ATP8A2: variants seen among roughly 807,000 people sequenced by gnomAD.
ATP8A2 encodes ATPase phospholipid transporting 8A2.
ATP8A2 carries 100 observed loss-of-function variants against 165.6 expected under a neutral mutation model. The observed-to-expected ratio is 0.60, with a 90% CI of 0.51 to 0.71. ATP8A2 has a LOEUF of 0.71. Among genes scored for constraint, ATP8A2 ranks in the 30% least tolerant of loss-of-function variants. The pLI, the probability that ATP8A2 is intolerant of heterozygous loss-of-function variation, is 0.00. For synonymous variants in ATP8A2, 543 were observed against 548.8 expected, an observed-to-expected ratio of 0.99 and a Z score of 0.15; for missense variants, 1,227 against 1,479.5, an observed-to-expected ratio of 0.83 and a Z score of 2.80.
intron 24 of ATP8A2, among the ~76,000 whole-genome samples, chr13:25,638,233 A>G (rs907684193): frequency 6.6e-6 from 1 of 152,268 alleles, no homozygotes; most frequent in Admixed American, 6.5e-5. Context: ...GCTCCTCGCC[A>G]GCAACGGAAC....
chr13:25,581,885 G>A lies in ATP8A2; in HGVS notation c.2074G>A (p.Ala692Thr), dbSNP rs369685449. 49 of 1,613,912 alleles carry A rather than the reference G, an allele frequency of 3.0e-5. No homozygotes were observed. The East Asian group carries it at 8.0e-4, about 26-fold the overall frequency. Residue 692 changes from alanine to threonine, a missense_variant, in exon 23 of 37, where the codon GCA (alanine) becomes ACA (threonine). Physicochemically the swap from Ala to Thr is moderately conservative, Grantham distance 58. Around this residue, in one of 5 missense-constraint regions of ATP8A2, gnomAD observed 592 missense variants for 785.6 expected, o/e 0.75. Transcript: ENST00000381655. ...RLQAGVPETI[A>T]TLLKAEIKIW... ...TCAAGCAGGAGTTCCAGAAACCATC[G>A]CAACACTGTTGAAGGCAGAAATTAA...
rs764926056 is a variant in ATP8A2 at position 25,769,017 on chromosome 13, A to T, written c.2385-29A>T. ...CTGTTTCCTCTGGAAAGACATGCAT[A>T]GCTCTGATTTCCCTCTCTTTTCTCA... On this transcript the variant is annotated intron_variant, in intron 25 of 36. Transcript: ENST00000381655. 6.9e-6 allele frequency: 11 copies of T among 1,603,790 alleles called. No homozygotes were observed. The East Asian group carries it at 2.2e-4, about 33-fold the overall frequency.
At position 25,786,754 on chromosome 13, in the gene ATP8A2, G is replaced by GATTTT. The variant is rs58430501; in HGVS notation, c.2679+11795_2679+11796insATTTT. Among the ~76,000 whole-genome samples, 7 of 134,642 alleles carry GATTTT rather than the reference G, an allele frequency of 5.2e-5. 1 individual carries two copies. The highest frequency in any genetic ancestry group is 8.3e-5 in the African/African-American group (3 of 36,116). 88.3% of individuals were successfully genotyped at this position (134,642 alleles called of 152,430 possible). ...AACCCTTTTTAATGCACAATTCTATGTTTTTTTTTTTTTTTTTTTGAGACA... is the reference window on the plus strand; with the variant it reads ...AACCCTTTTTAATGCACAATTCTATGATTTTTTTTTTTTTTTTTTTTTTTGAGACA... On this transcript the variant is annotated intron_variant, in intron 27 of 36. Transcript: ENST00000381655.
intron 1 of ATP8A2, among the ~76,000 whole-genome samples, chr13:25,435,465 G>T (rs941653858): frequency 2.0e-5 from 3 of 152,072 alleles, no homozygotes; most frequent in African/African-American, 7.2e-5. Flanking sequence ...GGCTATATTT[G>T]CAGGGAGAGA....
chr13:25,693,259 G>A (rs1189364194), intron 24 of ATP8A2, among the ~76,000 whole-genome samples: 1 of 152,108 alleles, frequency 6.6e-6, no homozygotes, highest in Non-Finnish European at 1.5e-5. Context: ...TGAGAATAAG[G>A]AACTGTTTGT....
intron 35 of ATP8A2, among the ~76,000 whole-genome samples, chr13:26,011,071 C>G (rs1325631503): frequency 6.6e-6 from 1 of 152,152 alleles, no homozygotes; most frequent in African/African-American, 2.4e-5. Flanking sequence ...GGGCAGGGTA[C>G]ATGGGATTCA....
chr13:25,590,947 G>A (rs752893746), intron 24 of ATP8A2, among the ~76,000 whole-genome samples: 4 of 151,998 alleles, frequency 2.6e-5, no homozygotes, highest in African/African-American at 4.8e-5. Context: ...ATTCATCTCG[G>A]TACACCTCCT....
intron 35 of ATP8A2, among the ~76,000 whole-genome samples, chr13:25,977,183 G>A (rs919852460): frequency 6.6e-6 from 1 of 151,698 alleles, no homozygotes; most frequent in African/African-American, 2.4e-5. Context: ...AGTCACCTTC[G>A]TGGAGCCTAG....
At chr13:26,013,861 C>A (rs921135172) in intron 36 of ATP8A2, among the ~76,000 whole-genome samples, 2 of 152,182 alleles carry the variant, frequency 1.3e-5, no homozygotes, top group Non-Finnish European at 1.5e-5. Context: ...TAATCTACCC[C>A]CTGTCCTCAC....
chr13:25,444,311 T>C (rs2035013359), intron 1 of ATP8A2, among the ~76,000 whole-genome samples: 1 of 152,248 alleles, frequency 6.6e-6, no homozygotes, highest in Non-Finnish European at 1.5e-5. Flanking sequence ...GATGGATATG[T>C]AGGTTGCTTC....
intron 10 of ATP8A2, among the ~76,000 whole-genome samples, chr13:25,548,466 G>A (rs1479542069): frequency 6.6e-6 from 1 of 152,180 alleles, no homozygotes; most frequent in Non-Finnish European, 1.5e-5. Context: ...ATGGGGTATA[G>A]AAATGAGGTT....
intron 33 of ATP8A2, among the ~76,000 whole-genome samples, chr13:25,886,906 A>G (rs1324672918): frequency 6.6e-6 from 1 of 152,170 alleles, no homozygotes; most frequent in African/African-American, 2.4e-5. Context: ...ATTTATGAAG[A>G]AAGGGGTAAT....
chr13:25,966,894 G>C (rs1955788916), intron 34 of ATP8A2, among the ~76,000 whole-genome samples: 1 of 152,188 alleles, frequency 6.6e-6, no homozygotes, highest in Non-Finnish European at 1.5e-5. Context: ...CTACCCCTGT[G>C]CAGGGGAAAG....
chr13:25,669,789 C>T (rs2042228490), intron 24 of ATP8A2, among the ~76,000 whole-genome samples: 1 of 152,280 alleles, frequency 6.6e-6, no homozygotes, highest in South Asian at 2.1e-4. Context: ...TAGTGTGTGT[C>T]TTGAAATCTT....
intron 25 of ATP8A2, among the ~76,000 whole-genome samples, chr13:25,709,506 A>G (rs1259541439): frequency 6.6e-6 from 1 of 151,184 alleles, no homozygotes; most frequent in Non-Finnish European, 1.5e-5. Flanking sequence ...TAAAATCATG[A>G]TGAATAGATA....
chr13:25,972,316 T>G (rs368183279), intron 35 of ATP8A2, among the ~76,000 whole-genome samples: 34 of 152,342 alleles, frequency 2.2e-4, no homozygotes, highest in African/African-American at 8.2e-4. Context: ...CATTAGTAGA[T>G]CTTGTCTTCC....
Position 25,527,197 on chromosome 13 carries a change from T to TTGGTG in ATP8A2, c.222-2801_222-2800insGGTGT, listed in dbSNP as rs2037869362. Among the ~76,000 whole-genome samples, 6 of 152,290 alleles carry TTGGTG rather than the reference T, an allele frequency of 3.9e-5. No homozygotes were observed. The South Asian group carries it at 1.2e-3, about 32-fold the overall frequency. ...TTTTGGAACCAGAAACCTCATTGTA[T>TTGGTG]TACACCTTATAGTGCTCTGCTGAAT... On this transcript the variant is annotated intron_variant, in intron 2 of 36. Transcript: ENST00000381655.
chr13:25,837,231 C>A lies in ATP8A2; in HGVS notation c.2823C>A (p.Leu941=). ...GGTCTTGCACTCAGGAGAGCATGCT[C>A]AGGTTTCCCCAGCTCTACAAAATCA... ...FERSCTQESM[L]RFPQLYKITQ... Residue 941 remains leucine, a synonymous_variant, in exon 29 of 37, where the codon CTC becomes CTA. Transcript: ENST00000381655. 6.2e-7 allele frequency: 1 copy of A among 1,614,064 alleles called. No individual in the cohort carries two copies.
chr13:25,561,154 T>G (rs1291701822), intron 15 of ATP8A2, among the ~76,000 whole-genome samples: 1 of 152,028 alleles, frequency 6.6e-6, no homozygotes, highest in African/African-American at 2.4e-5. Context: ...CAAAGTGAAT[T>G]TTTTCCATTA....
Sources: allele counts gnomAD v4.1 joint callset (sites outside exome capture counted in the v4.1 genomes callset), GRCh38; gene constraint gnomAD v4.1.1; regional missense constraint gnomAD v4.1.1; transcripts MANE v1.5; gene names NCBI Gene and HGNC (gene_info 2026-07-23, HGNC 2026-07-21).